Variants in YBEY observed in about 807,000 individuals in gnomAD.
YBEY encodes the protein endoribonuclease YbeY.
YBEY carries 15 observed loss-of-function variants against 13.5 expected under a neutral mutation model. That is an observed-to-expected ratio of 1.11 (90% confidence interval 0.75 to 1.72). The LOEUF (loss-of-function observed/expected upper bound fraction) is 1.72. Among genes scored for constraint, YBEY ranks in the 40% most tolerant of loss-of-function variants. The pLI, the probability that YBEY is intolerant of heterozygous loss-of-function variation, is 0.00. For synonymous variants in YBEY, 101 were observed against 83.1 expected, an observed-to-expected ratio of 1.21 and a Z score of -1.17; for missense variants, 244 against 208.4, an observed-to-expected ratio of 1.17 and a Z score of -1.05.
chr21:46,299,756 C>T (rs974991914), downstream of YBEY, among the ~76,000 whole-genome samples: 1 of 150,972 alleles, frequency 6.6e-6, no homozygotes, highest in African/African-American at 2.4e-5. Context: ...CTGAGCCCCC[C>T]CCACCACAGG....
the YBEY span, among the ~76,000 whole-genome samples, chr21:46,303,202 A>G: frequency 6.6e-6 from 1 of 151,696 alleles, no homozygotes; most frequent in Admixed American, 6.6e-5. Context: ...AGCCAGTTGT[A>G]GTGGTGCATG....
At chr21:46,304,029 T>G in the YBEY span, among the ~76,000 whole-genome samples, 10 of 111,110 alleles carry the variant, frequency 9.0e-5, no homozygotes, top group East Asian at 2.5e-4. Context: ...GGTTTTTTTT[T>G]TTTTTTTTTT....
At position 46,296,316 on chromosome 21, in the gene YBEY, T is replaced by TGCCAGCCCCCACCCTCCATCC; in HGVS notation, c.408+86_408+87insGCCAGCCCCCACCCTCCATCC. 2.0e-6 allele frequency: 3 copies of TGCCAGCCCCCACCCTCCATCC among 1,516,076 alleles called. No homozygotes were observed. In the South Asian group the frequency reaches 3.4e-5, roughly 17 times the overall value. The allele number at this position is 1,516,076 out of a possible 1,614,324, so 93.9% of individuals were successfully genotyped here. A position where few individuals can be genotyped will look rare whatever the true frequency, so the allele number is the denominator to read the frequency against. ...CCCCTGCCAGCCCCCACCCTCCATC[T>TGCCAGCCCCCACCCTCCATCC]TGACCGCCCCCGCAGGAACTGGACC... On this transcript the variant is annotated intron_variant, in intron 4 of 4. Coordinates refer to ENST00000397701, the MANE Select transcript of YBEY (RefSeq NM_001314025.2).
At chr21:46,310,530 C>T in the YBEY span, among the ~76,000 whole-genome samples, 1 of 151,510 alleles carries the variant, frequency 6.6e-6, no homozygotes, top group Non-Finnish European at 1.5e-5. Context: ...CAAATTGGGC[C>T]GGGCACAGTG....
At chr21:46,291,496 T>C (rs767053119) in intron 3 of YBEY, 34 bp downstream of exon 3, 13 of 1,611,624 alleles carry the variant, frequency 8.1e-6, no homozygotes, top group Middle Eastern at 1.7e-4. Context: ...ATAACCTGGC[T>C]CATGGAACAT....
the YBEY span, among the ~76,000 whole-genome samples, chr21:46,312,421 C>T: frequency 6.6e-5 from 10 of 152,230 alleles, no homozygotes; most frequent in East Asian, 7.7e-4. Context: ...CAGGTTCTAG[C>T]GATTCTCATG....
chr21:46,312,658 C>T, the YBEY span, among the ~76,000 whole-genome samples: 3 of 152,204 alleles, frequency 2.0e-5, no homozygotes, highest in Admixed American at 6.5e-5. Context: ...GCATGAGCCA[C>T]CATGCCCGGC....
downstream of YBEY, chr21:46,302,473 G>T: frequency 6.3e-7 from 1 of 1,592,990 alleles, no homozygotes; most frequent in South Asian, 1.1e-5. Flanking sequence ...TTCTGCTGGG[G>T]GCTAAGCCTA....
intron 3 of YBEY, among the ~76,000 whole-genome samples, chr21:46,293,526 G>A (rs370592722): frequency 0.067 from 696 of 10,414 alleles, 5 homozygotes; most frequent in East Asian, 0.22. Context: ...ACACAAGTTA[G>A]ACTCTAGATT....
intron 2 of YBEY, among the ~76,000 whole-genome samples, chr21:46,287,556 A>G (rs2081507307): frequency 6.6e-6 from 1 of 152,216 alleles, no homozygotes; most frequent in Admixed American, 6.5e-5. Flanking sequence ...CTATAAGTAT[A>G]TATGTTACAG....
At chr21:46,290,228 G>C (rs1012868833) in intron 2 of YBEY, among the ~76,000 whole-genome samples, 3 of 151,242 alleles carry the variant, frequency 2.0e-5, no homozygotes, top group African/African-American at 7.3e-5. Context: ...TTTTGAGACG[G>C]AGTCTTGCTC....
chr21:46,297,545 C>A lies in YBEY; in HGVS notation c.415C>A (p.Gln139Lys). 1 of 1,396,862 alleles carries A rather than the reference C, an allele frequency of 7.2e-7. No homozygotes were observed. Among genetic ancestry groups the A allele is most frequent in the Non-Finnish European group, 9.4e-7 (1 of 1,063,740 alleles). 86.5% of individuals were successfully genotyped at this position (1,396,862 alleles called of 1,614,324 possible). Residue 139 changes from glutamine (Q) to lysine (K), a missense_variant, in exon 5 of 5, where the codon CAG becomes AAG. Physicochemically the swap from Gln to Lys is moderately conservative, Grantham distance 53. Transcript: ENST00000397701. ...CGCGCTTCCTTCCTTCCAGATGTTC[C>A]AGAAGGAGAAGGCGGTGCTGGACGA... ...GTEAEWQQMF[Q>K]KEKAVLDELG...
intron 4 of YBEY, among the ~76,000 whole-genome samples, chr21:46,297,304 A>C (rs4989912): frequency 0.86 from 123,795 of 143,376 alleles, 52,532 homozygotes; most frequent in African/African-American, 0.91. Flanking sequence ...TCTTCCTCCC[A>C]CTCCCCTCCC....
chr21:46,295,212 G>GA (rs1241557034), intron 3 of YBEY, among the ~76,000 whole-genome samples: 1 of 152,004 alleles, frequency 6.6e-6, no homozygotes, highest in Non-Finnish European at 1.5e-5. Flanking sequence ...CTATTACCCT[G>GA]AGGGGAGGGC....
At chr21:46,309,945 C>T in the YBEY span, among the ~76,000 whole-genome samples, 19 of 151,972 alleles carry the variant, frequency 1.3e-4, no homozygotes, top group South Asian at 1.2e-3. Flanking sequence ...TGCAGTGAGC[C>T]GAGATCACGC....
Position 46,288,343 on chromosome 21 carries a change from A to G in YBEY, c.210+1220A>G, listed in dbSNP as rs181697048. On this transcript the variant is annotated intron_variant, in intron 2 of 4. Transcript: ENST00000397701. ...GCAACTTGGCATTTCAAACACATGT[A>G]TCCTTTAGTCCTGTGGTGACACACC... Among the ~76,000 whole-genome samples, 165 of 152,342 alleles carry G rather than the reference A, an allele frequency of 1.1e-3. 1 individual carries two copies. The highest frequency in any genetic ancestry group is 3.8e-3 in the African/African-American group (160 of 41,576).
chr21:46,300,714 C>G (rs1601616716), downstream of YBEY: 12 of 1,286,876 alleles, frequency 9.3e-6, no homozygotes, highest in South Asian at 1.1e-4. Flanking sequence ...CATCCTGTCT[C>G]CTACCTGCAA....
chr21:46,291,927 C>A, intron 3 of YBEY: 1 of 761,752 alleles, frequency 1.3e-6, no homozygotes, highest in Non-Finnish European at 1.6e-6. Flanking sequence ...TAACACAGAG[C>A]TAGCCAAGCA....
rs1314816506 is a variant in YBEY, at chr21:46,291,461, C to T, written c.338C>T (p.Thr113Ile). The T allele has an allele frequency of 6.2e-7, 1 of 1,613,710 alleles. No individual in the cohort carries two copies. Among genetic ancestry groups the T allele is most frequent in the African/African-American group, 1.3e-5 (1 of 75,000 alleles). Residue 113 changes from threonine to isoleucine, a missense_variant and splice_region_variant, in exon 3 of 5, where the codon ACT becomes ATT. By Grantham distance (89) the Thr-to-Ile change is moderately conservative (BLOSUM62 -1). Coordinates refer to ENST00000397701, the MANE Select transcript of YBEY (RefSeq NM_001314025.2). ...KENEDYNDVL[T>I]VTATHGLCHL... ...AATGAAGATTACAATGACGTCCTGA[C>T]TGTAAGCGGGGATGCTGAAATCATA...
Sources: gnomAD v4.1 joint callset for allele counts (sites outside exome capture counted in the v4.1 genomes callset) on GRCh38, gnomAD v4.1.1 for gene constraint, MANE v1.5 for transcripts, NCBI Gene and HGNC (gene_info 2026-07-23, HGNC 2026-07-21) for gene names.